The following SOX6 variants were observed in gnomAD, a reference collection of about 807,000 sequenced individuals.
SOX6 encodes the protein SRY-box transcription factor 6.
A neutral mutation model predicts 97.8 loss-of-function variants in SOX6; 11 were observed. The ratio of observed to expected loss-of-function variants is 0.11; its 90% CI spans 0.07 to 0.19. The LOEUF (loss-of-function observed/expected upper bound fraction) is 0.19, where lower values mean the gene tolerates loss of function less well. Among genes scored for constraint, SOX6 ranks in the 10% least tolerant of loss-of-function variants. SOX6 has a pLI of 1.00. For missense variants in SOX6, 810 were observed against 1,039.5 expected, an observed-to-expected ratio of 0.78 and a Z score of 3.04; for synonymous variants, 360 against 371.4, an observed-to-expected ratio of 0.97 and a Z score of 0.35.
chr11:16,409,329 C>T, intron 1 of SOX6, among the ~76,000 whole-genome samples: 1 of 149,764 alleles, frequency 6.7e-6, no homozygotes, highest in East Asian at 1.9e-4. Context: ...GGGAAAACAG[C>T]TATGTTGGGT....
chr11:16,634,838 G>A (rs576502720), intron 3 of SOX6, among the ~76,000 whole-genome samples: 9 of 152,196 alleles, frequency 5.9e-5, no homozygotes, highest in Admixed American at 2.6e-4. Context: ...AGGGGTAATC[G>A]AATCACGGGG....
chr11:16,009,718 T>G (rs1854654365), intron 13 of SOX6, among the ~76,000 whole-genome samples: 2 of 152,046 alleles, frequency 1.3e-5, no homozygotes, highest in Admixed American at 6.6e-5. Flanking sequence ...TCTCCTTTAT[T>G]TCAAATCTGA....
chr11:16,367,362 C>T (rs1019690121), intron 1 of SOX6, among the ~76,000 whole-genome samples: 5 of 152,132 alleles, frequency 3.3e-5, no homozygotes, highest in Non-Finnish European at 7.4e-5. Flanking sequence ...TGCACCCTCC[C>T]TCACACCATG....
intron 6 of SOX6, among the ~76,000 whole-genome samples, chr11:16,169,517 T>A (rs575823499): frequency 8.6e-5 from 13 of 152,012 alleles, no homozygotes. Context: ...TTTTAAAAAA[T>A]ATGAGTGATG....
intron 1 of SOX6, among the ~76,000 whole-genome samples, chr11:16,398,228 C>T (rs866697664): frequency 2.0e-4 from 31 of 151,678 alleles, no homozygotes; most frequent in African/African-American, 7.0e-4. Flanking sequence ...AGGACTCCAA[C>T]GCAATCCCTT....
At chr11:16,115,343 C>A (rs1277620989) in intron 6 of SOX6, among the ~76,000 whole-genome samples, 2 of 152,184 alleles carry the variant, frequency 1.3e-5, no homozygotes, top group Non-Finnish European at 2.9e-5. Context: ...GGAATTCAGT[C>A]CAACTAATTA....
intron 3 of SOX6, among the ~76,000 whole-genome samples, chr11:16,284,986 T>C (rs1051990238): frequency 5.9e-5 from 9 of 152,160 alleles, no homozygotes; most frequent in African/African-American, 1.9e-4. Context: ...AAGCACATAG[T>C]ATATACTTCA....
At chr11:15,997,664 TA>T (rs1854266844) in intron 13 of SOX6, among the ~76,000 whole-genome samples, 2 of 152,136 alleles carry the variant, frequency 1.3e-5, no homozygotes, top group Non-Finnish European at 2.9e-5. Context: ...AAATTAGTAT[TA>T]AAAGGAAACT....
At chr11:16,203,331 G>GA (rs34121257) in intron 4 of SOX6, among the ~76,000 whole-genome samples, 74,325 of 151,786 alleles carry the variant, frequency 0.49, 18,491 homozygotes, top group Middle Eastern at 0.66. Context: ...AAAGGAAGGA[G>GA]AAAAAGTAAC....
chr11:16,681,236 GA>G (rs1847925133), intron 3 of SOX6, among the ~76,000 whole-genome samples: 1 of 152,132 alleles, frequency 6.6e-6, no homozygotes. Context: ...AAATGTAAAA[GA>G]ACAGTAATCA....
At chr11:16,470,457 A>T (rs1860120955) in intron 1 of SOX6, among the ~76,000 whole-genome samples, 1 of 152,132 alleles carries the variant, frequency 6.6e-6, no homozygotes. Context: ...TTCCCTAAAA[A>T]TCTATGTAAT....
chr11:16,282,806 TTAC>T (rs1477924174), intron 3 of SOX6, among the ~76,000 whole-genome samples: 2 of 151,048 alleles, frequency 1.3e-5, no homozygotes, highest in African/African-American at 4.8e-5. Context: ...TGACAATCCA[TTAC>T]TACTTTATCA....
At chr11:16,630,328 C>T (rs918811742) in intron 3 of SOX6, among the ~76,000 whole-genome samples, 1 of 151,924 alleles carries the variant, frequency 6.6e-6, no homozygotes, top group Non-Finnish European at 1.5e-5. Context: ...TTTATTTCTG[C>T]CTTAATTTCA....
At chr11:15,995,241 C>A (rs774391810) in intron 13 of SOX6, among the ~76,000 whole-genome samples, 22 of 152,106 alleles carry the variant, frequency 1.4e-4, no homozygotes, top group African/African-American at 4.3e-4. Flanking sequence ...AGAAAGAATT[C>A]ATAAACACCT....
chr11:16,137,178 G>A (rs989428909), intron 6 of SOX6, among the ~76,000 whole-genome samples: 14 of 152,174 alleles, frequency 9.2e-5, no homozygotes, highest in African/African-American at 3.1e-4. Flanking sequence ...GCTCATGCCT[G>A]TAATCCTAGC....
chr11:16,096,229 A>G (rs1848791569), intron 8 of SOX6, 111 bp from the exon 9 acceptor site: 2 of 1,309,184 alleles, frequency 1.5e-6, no homozygotes, highest in Admixed American at 4.2e-5. Flanking sequence ...CAAAAAATAG[A>G]AAGTAGAAAG....
At chr11:16,432,847 A>G (rs1034086505) in intron 1 of SOX6, among the ~76,000 whole-genome samples, 7 of 152,008 alleles carry the variant, frequency 4.6e-5, no homozygotes, top group Non-Finnish European at 1.0e-4. Flanking sequence ...TTTCCTACCA[A>G]TTCTTAACAA....
At chr11:16,024,577 G>T (rs1855163892) in intron 12 of SOX6, among the ~76,000 whole-genome samples, 1 of 151,490 alleles carries the variant, frequency 6.6e-6, no homozygotes, top group South Asian at 2.1e-4. Context: ...CTTAACAAAG[G>T]TTTTCAAAAA....
At chr11:16,202,152 T>A (rs1011286796) in intron 4 of SOX6, among the ~76,000 whole-genome samples, 1 of 152,280 alleles carries the variant, frequency 6.6e-6, no homozygotes, top group Non-Finnish European at 1.5e-5. Context: ...TTTACAGCAC[T>A]ATTATGAATT....
Sources: allele counts gnomAD v4.1 joint callset (sites outside exome capture counted in the v4.1 genomes callset), GRCh38; gene constraint gnomAD v4.1.1; transcripts MANE v1.5; gene names NCBI Gene and HGNC (gene_info 2026-07-23, HGNC 2026-07-21).